PALM2AKAP2: variants seen among roughly 807,000 people sequenced by gnomAD.
PALM2AKAP2 encodes the protein PALM2 and AKAP2 fusion.
Under a neutral mutation model 71.5 loss-of-function variants are expected in PALM2AKAP2, and 37 were observed. The observed-to-expected ratio is 0.52, with a 90% confidence interval of 0.40 to 0.68. The LOEUF (loss-of-function observed/expected upper bound fraction) is 0.68, where lower values mean the gene tolerates loss of function less well. PALM2AKAP2 is among the 30% of genes least tolerant of loss of function. PALM2AKAP2 has a pLI of 0.00. For missense variants in PALM2AKAP2, 1,224 were observed against 1,191.8 expected, an observed-to-expected ratio of 1.03 and a Z score of -0.40; for synonymous variants, 468 against 478.8, an observed-to-expected ratio of 0.98 and a Z score of 0.29.
intron 3 of PALM2AKAP2, among the ~76,000 whole-genome samples, chr9:109,905,940 CAT>C (rs1830436334): frequency 6.6e-6 from 1 of 152,134 alleles, no homozygotes; most frequent in African/African-American, 2.4e-5. Context: ...GCCTGGGAAA[CAT>C]AGCGAAACCC....
At chr9:109,751,160 G>A (rs148445043) in intron 1 of PALM2AKAP2, among the ~76,000 whole-genome samples, 15 of 152,272 alleles carry the variant, frequency 9.9e-5, no homozygotes, top group South Asian at 2.1e-4. Flanking sequence ...CTCAGAAAAT[G>A]TCTAAACTGA....
intron 1 of PALM2AKAP2, among the ~76,000 whole-genome samples, chr9:109,823,538 C>T (rs1171740823): frequency 6.6e-6 from 1 of 152,146 alleles, no homozygotes; most frequent in Non-Finnish European, 1.5e-5. Context: ...AGGTGTGTTA[C>T]CTGTCTAGTG....
intron 1 of PALM2AKAP2, among the ~76,000 whole-genome samples, chr9:110,085,535 T>C (rs1368409948): frequency 1.3e-5 from 2 of 152,306 alleles, no homozygotes; most frequent in East Asian, 1.9e-4. Flanking sequence ...GAGTTAGCAA[T>C]ATGTAAGTAG....
At chr9:109,925,717 C>T (rs1483298421) in intron 5 of PALM2AKAP2, among the ~76,000 whole-genome samples, 3 of 152,204 alleles carry the variant, frequency 2.0e-5, no homozygotes, top group Non-Finnish European at 2.9e-5. Context: ...CCTACCTTTC[C>T]TCTGTCCTCT....
At chr9:109,677,686 A>G (rs911642770) in intron 1 of PALM2AKAP2, among the ~76,000 whole-genome samples, 2 of 149,734 alleles carry the variant, frequency 1.3e-5, no homozygotes, top group East Asian at 3.9e-4. Flanking sequence ...AAAAAAAAAG[A>G]ATTTTTGCCA....
intron 1 of PALM2AKAP2, among the ~76,000 whole-genome samples, chr9:109,647,333 T>A (rs1475484191): frequency 1.3e-5 from 2 of 152,242 alleles, no homozygotes; most frequent in Non-Finnish European, 2.9e-5. Context: ...TAGTATTTAC[T>A]TTTGGAATAT....
intron 1 of PALM2AKAP2, among the ~76,000 whole-genome samples, chr9:109,790,081 G>T (rs779855921): frequency 6.6e-6 from 1 of 152,100 alleles, no homozygotes; most frequent in Non-Finnish European, 1.5e-5. Flanking sequence ...GCATAAGATC[G>T]AAGGGGAAAG....
intron 1 of PALM2AKAP2, among the ~76,000 whole-genome samples, chr9:109,822,107 C>T (rs1828022079): frequency 6.6e-6 from 1 of 152,192 alleles, no homozygotes; most frequent in African/African-American, 2.4e-5. Context: ...ATAGAGACAG[C>T]ATGAGCTAGC....
rs765798803 is a variant in PALM2AKAP2 at position 110,103,550 on chromosome 9, G to A, written c.157-32577G>A. Among the ~76,000 whole-genome samples the A allele has an allele frequency of 7.9e-5, 12 of 152,326 alleles. No individual in the cohort carries two copies. In the East Asian group the frequency reaches 1.3e-3, roughly 17 times the overall value. ...TGGAGGACTCTTTGAGGAGAGAAGA[G>A]GGGAATTCCAAAGATTCAGCTTGAT... is the stretch of plus-strand genomic sequence containing the variant. On this transcript the variant is annotated intron_variant, in intron 1 of 3. Transcript: ENST00000374525.
In PALM2AKAP2 at chr9:109,772,885, G is replaced by A. The variant is rs146588698; in HGVS notation, c.6-7603G>A. Among the ~76,000 whole-genome samples the A allele has an allele frequency of 2.7e-3, 412 of 152,326 alleles. 4 individuals are homozygous for A. The highest frequency in any genetic ancestry group is 9.6e-3 in the African/African-American group (400 of 41,574). On this transcript the variant is annotated intron_variant, in intron 1 of 6. Transcript: ENST00000374531. ...TGTAATCCCAGCACTTTGGGAGGCC[G>A]AAGCGGGCGGATCACGAGGTCAGGA...
chr9:110,120,015 G>A (rs1399111644), intron 1 of PALM2AKAP2, among the ~76,000 whole-genome samples: 1 of 152,136 alleles, frequency 6.6e-6, no homozygotes, highest in African/African-American at 2.4e-5. Context: ...TTCTTAACTT[G>A]AACTCTACAC....
At chr9:109,846,176 C>G (rs1564177170) in intron 1 of PALM2AKAP2, among the ~76,000 whole-genome samples, 5 of 152,044 alleles carry the variant, frequency 3.3e-5, no homozygotes, top group Admixed American at 3.3e-4. Flanking sequence ...CTCTGTCCCC[C>G]GAGTTCTTCT....
intron 1 of PALM2AKAP2, among the ~76,000 whole-genome samples, chr9:110,131,291 C>T (rs950225776): frequency 2.0e-5 from 3 of 152,168 alleles, no homozygotes; most frequent in African/African-American, 7.2e-5. Flanking sequence ...ATCTAAAAAG[C>T]TCCCACAGCC....
intron 3 of PALM2AKAP2, among the ~76,000 whole-genome samples, chr9:109,894,877 G>C (rs1192093588): frequency 6.6e-6 from 1 of 152,100 alleles, no homozygotes; most frequent in Non-Finnish European, 1.5e-5. Context: ...CGGCTTCCCA[G>C]AGTGCTGGGA....
intron 3 of PALM2AKAP2, among the ~76,000 whole-genome samples, chr9:110,162,806 G>A (rs940030039): frequency 2.0e-5 from 3 of 152,156 alleles, no homozygotes; most frequent in South Asian, 2.1e-4. Flanking sequence ...GGGCTCAAGC[G>A]ATCCTCCTAT....
At chr9:109,651,334 C>T (rs913543349) in intron 1 of PALM2AKAP2, among the ~76,000 whole-genome samples, 4 of 152,208 alleles carry the variant, frequency 2.6e-5, no homozygotes, top group Non-Finnish European at 4.4e-5. Context: ...AGCTCTCTCC[C>T]ACTGCTGGTA....
At chr9:109,934,525 GCCATCCCTGTCCCT>G (rs1488806170) in intron 6 of PALM2AKAP2, among the ~76,000 whole-genome samples, 1 of 151,928 alleles carries the variant, frequency 6.6e-6, no homozygotes, top group Non-Finnish European at 1.5e-5. Context: ...GACACCCTCC[GCCATCCCTGTCCCT>G]CCCCTCTGCA....
chr9:110,094,129 C>T (rs563943456), intron 1 of PALM2AKAP2, among the ~76,000 whole-genome samples: 6 of 152,358 alleles, frequency 3.9e-5, no homozygotes, highest in African/African-American at 1.4e-4. Context: ...GAGAACCCTG[C>T]TTACCATTGC....
chr9:109,685,798 G>A (rs1301449859), intron 1 of PALM2AKAP2, among the ~76,000 whole-genome samples: 1 of 152,080 alleles, frequency 6.6e-6, no homozygotes, highest in Non-Finnish European at 1.5e-5. Flanking sequence ...GATGTTTGCT[G>A]CATTGATGGA....
Sources: gnomAD v4.1 joint callset for allele counts (sites outside exome capture counted in the v4.1 genomes callset) on GRCh38, gnomAD v4.1.1 for gene constraint, MANE v1.5 for transcripts, NCBI Gene and HGNC (gene_info 2026-07-23, HGNC 2026-07-21) for gene names.